EBF3: variants seen among roughly 807,000 people sequenced by gnomAD.
EBF3 encodes EBF transcription factor 3.
A neutral mutation model predicts 77.1 loss-of-function variants in EBF3; 18 were observed. That is an observed-to-expected ratio of 0.23 (90% CI 0.16 to 0.35). The LOEUF is 0.35. Ranked by LOEUF, EBF3 falls within the 10% of genes least tolerant of loss-of-function variation. The pLI, the probability that EBF3 is intolerant of heterozygous loss-of-function variation, is 1.00. For synonymous variants in EBF3, 350 were observed against 343.5 expected (o/e 1.02, Z -0.21); for missense variants, 558 against 860.0 (o/e 0.65, Z 4.39).
intron 6 of EBF3, among the ~76,000 whole-genome samples, chr10:129,911,952 C>G (rs1363451253): frequency 6.6e-6 from 1 of 152,168 alleles, no homozygotes; most frequent in African/African-American, 2.4e-5. Context: ...CCCAGAGCAA[C>G]GCACGGCCCA....
rs1380258070 is a variant in EBF3, at chr10:129,873,914, T to C, written c.637-318A>G. Among the ~76,000 whole-genome samples the C allele has an allele frequency of 2.0e-5, 3 of 152,206 alleles. No individual in the cohort carries two copies. In the East Asian group the frequency reaches 5.8e-4, roughly 29 times the overall value. The stretch of plus-strand genomic sequence containing the variant: ...GCCATTAGCTTCAGAAACACCCCTC[T>C]AGCCACTCATTTTAAAGCCGCTGTT... On this transcript the variant is annotated intron_variant, in intron 7 of 16. Transcript: ENST00000440978.
rs1253183020 is a variant in EBF3 at position 129,952,895 on chromosome 10, G to C, written c.554+4363C>G. ...GAAAGGCGCTTTAAATGAGGTAAATGAATAAAATGTCCCAGAGCACAACTG... is the reference window on the plus strand; with the variant it reads ...GAAAGGCGCTTTAAATGAGGTAAATCAATAAAATGTCCCAGAGCACAACTG... On this transcript the variant is annotated intron_variant, in intron 6 of 16. Transcript: ENST00000440978. The surrounding 1 kb of genome is among the most constrained non-coding windows in gnomAD (Gnocchi z 4.7). Among the ~76,000 whole-genome samples the C allele has an allele frequency of 1.3e-5, 2 of 152,092 alleles. No individual in the cohort carries two copies. The highest frequency in any genetic ancestry group is 2.9e-5 in the Non-Finnish European group (2 of 68,004).
rs1853036787 is a variant in EBF3 at position 129,879,380 on chromosome 10, T to G, written c.555-1531A>C. Among the ~76,000 whole-genome samples, 2 of 152,212 alleles carry G rather than the reference T, an allele frequency of 1.3e-5. No homozygotes were observed. Among genetic ancestry groups the G allele is most frequent in the African/African-American group, 4.8e-5 (2 of 41,464 alleles). On this transcript the variant is annotated intron_variant, in intron 6 of 16. Coordinates refer to ENST00000440978, the MANE Select transcript of EBF3 (RefSeq NM_001375380.1). This position sits in a 1 kb window ranked among gnomAD's most constrained non-coding sequence, Gnocchi z 4.7. ...CTGTCCTACTTGGTGATTATTAATT[T>G]TTGATGAAGTTTCACATGATTTTCT...
At chr10:129,955,489 A>G (rs1366992975) in intron 6 of EBF3, among the ~76,000 whole-genome samples, 2 of 152,262 alleles carry the variant, frequency 1.3e-5, no homozygotes, top group East Asian at 3.8e-4. Context: ...GGTTATAAAA[A>G]TATGAGTAAT....
At chr10:129,921,315 T>G (rs1027349713) in intron 6 of EBF3, among the ~76,000 whole-genome samples, 1 of 151,938 alleles carries the variant, frequency 6.6e-6, no homozygotes, top group Non-Finnish European at 1.5e-5. Context: ...GCATCCTCAG[T>G]CTCAACTCAC....
In EBF3 at chr10:129,947,478, C is replaced by T. The variant is rs1266778560; in HGVS notation, c.554+9780G>A. Among the ~76,000 whole-genome samples the T allele has an allele frequency of 6.6e-6, 1 of 152,192 alleles. No individual in the cohort carries two copies. Among genetic ancestry groups the T allele is most frequent in the Non-Finnish European group, 1.5e-5 (1 of 68,036 alleles). ...AACTGCACTGAATGCTGAATTCATT[C>T]TGTTCTTATGCCACGGTGCAGTATA... On this transcript the variant is annotated intron_variant, in intron 6 of 16. Transcript: ENST00000440978. The surrounding 1 kb of genome is among the most constrained non-coding windows in gnomAD (Gnocchi z 4.5).
chr10:129,855,230 CACAG>C (rs1564828455), intron 10 of EBF3, among the ~76,000 whole-genome samples: 1 of 152,168 alleles, frequency 6.6e-6, no homozygotes, highest in Non-Finnish European at 1.5e-5. Context: ...CTGGAATTCA[CACAG>C]ACAGCCCAAC....
Position 129,841,051 on chromosome 10 carries a change from CG to C in EBF3, c.1373-20del, listed in dbSNP as rs1564814857. On this transcript the variant is annotated intron_variant, in intron 13 of 16. Coordinates refer to ENST00000440978, the MANE Select transcript of EBF3 (RefSeq NM_001375380.1). This position sits in a 1 kb window ranked among gnomAD's most constrained non-coding sequence, Gnocchi z 4.6. Reference sequence around the variant, plus strand: ...TAGCCGACTGTTGAAATCCCCCCCCCGGCCAAAAATAACATTATTATCAGCG... The same window carrying C: ...TAGCCGACTGTTGAAATCCCCCCCCCGCCAAAAATAACATTATTATCAGCG... The C allele has an allele frequency of 1.2e-6, 2 of 1,603,880 alleles. No homozygotes were observed. The highest frequency in any genetic ancestry group is 1.7e-5 in the Admixed American group (1 of 59,534).
At chr10:129,886,033 A>ATTTTTT (rs59542647) in intron 6 of EBF3, among the ~76,000 whole-genome samples, 4 of 126,292 alleles carry the variant, frequency 3.2e-5, no homozygotes, top group East Asian at 2.7e-4. Context: ...TTTGGTTTTA[A>ATTTTTT]TTTTTTTTTT....
intron 6 of EBF3, among the ~76,000 whole-genome samples, chr10:129,896,311 C>T (rs749258593): frequency 1.8e-4 from 27 of 152,218 alleles, no homozygotes; most frequent in Admixed American, 1.0e-3. Context: ...AAAACAAGCC[C>T]GAGCTCAGCT....
chr10:129,843,783 C>T (rs1451700981), intron 11 of EBF3, among the ~76,000 whole-genome samples: 1 of 152,124 alleles, frequency 6.6e-6, no homozygotes, highest in African/African-American at 2.4e-5. Flanking sequence ...TTCATAATGA[C>T]ATTAAGAAAT....
At chr10:129,867,692 G>A in intron 9 of EBF3, 90 bp downstream of exon 9, 1 of 1,567,506 alleles carries the variant, frequency 6.4e-7, no homozygotes, top group South Asian at 1.2e-5. Flanking sequence ...TTTGCCATAG[G>A]GCACCTTGTG....
At chr10:129,940,108 C>A (rs1857628982) in intron 6 of EBF3, among the ~76,000 whole-genome samples, 1 of 152,228 alleles carries the variant, frequency 6.6e-6, no homozygotes, top group African/African-American at 2.4e-5. Context: ...CAGACTCAAG[C>A]CCCTGCCCAG....
chr10:129,835,904 G>T lies in EBF3; in HGVS notation c.*2039C>A, dbSNP rs1228187904. 6.6e-6 allele frequency: 1 copy of T among 152,140 alleles called. No homozygotes were observed. Among genetic ancestry groups the T allele is most frequent in the Non-Finnish European group, 1.5e-5 (1 of 67,984 alleles). 9.4% of individuals were successfully genotyped at this position (152,140 alleles called of 1,614,324 possible). ...CTCACTGTGGGTTTGGCACTAAGAG[G>T]CACGATATCTGAAGGAGGTCATTCC... On this transcript the variant is annotated 3_prime_UTR_variant, in exon 17 of 17. Coordinates refer to ENST00000440978, the MANE Select transcript of EBF3 (RefSeq NM_001375380.1).
At chr10:129,927,685 G>A (rs893883277) in intron 6 of EBF3, among the ~76,000 whole-genome samples, 4 of 152,042 alleles carry the variant, frequency 2.6e-5, no homozygotes, top group African/African-American at 4.8e-5. Flanking sequence ...TCTTCCTTTC[G>A]GCCCTCCCTC....
In EBF3 at chr10:129,897,001, A is replaced by G. The variant is rs953356351; in HGVS notation, c.555-19152T>C. Among the ~76,000 whole-genome samples the G allele has an allele frequency of 6.6e-6, 1 of 152,216 alleles. No individual in the cohort carries two copies. Among genetic ancestry groups the G allele is most frequent in the Non-Finnish European group, 1.5e-5 (1 of 68,032 alleles). On this transcript the variant is annotated intron_variant, in intron 6 of 16. Coordinates refer to ENST00000440978, the MANE Select transcript of EBF3 (RefSeq NM_001375380.1). The surrounding 1 kb of genome is among the most constrained non-coding windows in gnomAD (Gnocchi z 4.6). ...TGGCCACATATGGCCTCTTCCATCA[A>G]TCTGACTAATCAAGCATCGAGGACA...
rs1253895382 is a variant in EBF3, at chr10:129,963,284, G to A, written c.291+83C>T. 1.3e-6 allele frequency: 2 copies of A among 1,533,908 alleles called. No homozygotes were observed. The highest frequency in any genetic ancestry group is 2.3e-4 in the Middle Eastern group (1 of 4,308). The stretch of plus-strand genomic sequence containing the variant: ...GCGGAGCCGAGCCCGCCGCCTAGGG[G>A]GGCACTCGAACCCCCGCGCACCGGC... On this transcript the variant is annotated intron_variant, in intron 2 of 16. Coordinates refer to ENST00000440978, the MANE Select transcript of EBF3 (RefSeq NM_001375380.1). The surrounding 1 kb of genome is among the most constrained non-coding windows in gnomAD (Gnocchi z 7.1).
intron 6 of EBF3, among the ~76,000 whole-genome samples, chr10:129,913,851 C>G (rs1855688913): frequency 6.6e-6 from 1 of 152,208 alleles, no homozygotes; most frequent in East Asian, 1.9e-4. Context: ...ATCTTCTCAT[C>G]TAAATCCCAG....
rs1471234208 is a variant in EBF3, at chr10:129,938,162, G to C, written c.554+19096C>G. Among the ~76,000 whole-genome samples the C allele has an allele frequency of 6.6e-6, 1 of 152,098 alleles. No individual in the cohort carries two copies. Among genetic ancestry groups the C allele is most frequent in the African/African-American group, 2.4e-5 (1 of 41,402 alleles). On this transcript the variant is annotated intron_variant, in intron 6 of 16. Coordinates refer to ENST00000440978, the MANE Select transcript of EBF3 (RefSeq NM_001375380.1). The surrounding 1 kb of genome is among the most constrained non-coding windows in gnomAD (Gnocchi z 5.1). ...CCTGCTGAGTTTTTGTGCGAGGCTA[G>C]CCCCCCGCATGAGGCTTCATCAGTG...
Sources: gnomAD v4.1 joint callset for allele counts (sites outside exome capture counted in the v4.1 genomes callset) on GRCh38, gnomAD v4.1.1 for gene constraint, Gnocchi (gnomAD v3.1) non-coding constraint, MANE v1.5 for transcripts, NCBI Gene and HGNC (gene_info 2026-07-23, HGNC 2026-07-21) for gene names.